ME1: variants seen among roughly 807,000 people sequenced by gnomAD.
The protein encoded by ME1 is NADP-dependent malic enzyme.
A neutral mutation model predicts 66.4 loss-of-function variants in ME1; 74 were observed. The observed-to-expected ratio is 1.11, with a 90% CI of 0.92 to 1.35. ME1 has a LOEUF of 1.35. Ranked by LOEUF, ME1 falls within the 40% of genes most tolerant of loss-of-function variation. ME1 has a pLI of 0.00. For synonymous variants in ME1, 251 were observed against 235.6 expected (o/e 1.07, Z -0.60); for missense variants, 750 against 694.1 (o/e 1.08, Z -0.90).
At chr6:83,219,052 G>C (rs1180789615) in intron 12 of ME1, among the ~76,000 whole-genome samples, 1 of 152,192 alleles carries the variant, frequency 6.6e-6, no homozygotes, top group Admixed American at 6.5e-5. Flanking sequence ...TGAGTGAACT[G>C]AAAGTTATGG....
chr6:83,285,091 G>A (rs979588342), intron 6 of ME1, among the ~76,000 whole-genome samples: 1 of 152,078 alleles, frequency 6.6e-6, no homozygotes, highest in African/African-American at 2.4e-5. Flanking sequence ...CTTAACATTA[G>A]ACTGAAAATA....
intron 7 of ME1, among the ~76,000 whole-genome samples, chr6:83,247,386 G>A (rs1450837617): frequency 6.6e-6 from 1 of 151,884 alleles, no homozygotes; most frequent in Non-Finnish European, 1.5e-5. Context: ...TTTATAATGA[G>A]AATGCATTCA....
At chr6:83,320,170 A>C (rs1768124668) in intron 5 of ME1, among the ~76,000 whole-genome samples, 2 of 152,182 alleles carry the variant, frequency 1.3e-5, no homozygotes, top group Admixed American at 1.3e-4. Flanking sequence ...ATTCCAGTCC[A>C]AACTGCCAGC....
At chr6:83,214,539 T>C (rs1789956214) in intron 13 of ME1, among the ~76,000 whole-genome samples, 1 of 152,238 alleles carries the variant, frequency 6.6e-6, no homozygotes, top group African/African-American at 2.4e-5. Flanking sequence ...GCTGCTCAGT[T>C]TGGAGTCTCT....
intron 6 of ME1, among the ~76,000 whole-genome samples, chr6:83,306,070 A>G (rs1359621718): frequency 3.3e-5 from 5 of 152,134 alleles, no homozygotes; most frequent in African/African-American, 9.6e-5. Flanking sequence ...TTAACCTACA[A>G]GATATTGCTA....
At chr6:83,396,657 A>G (rs531098465) in intron 3 of ME1, among the ~76,000 whole-genome samples, 1 of 152,326 alleles carries the variant, frequency 6.6e-6, no homozygotes, top group South Asian at 2.1e-4. Context: ...AAAGGCCCCA[A>G]ATGTCCAAAG....
chr6:83,249,531 T>C (rs1790686041), intron 7 of ME1, among the ~76,000 whole-genome samples: 1 of 152,192 alleles, frequency 6.6e-6, no homozygotes, highest in Non-Finnish European at 1.5e-5. Flanking sequence ...GGCCTAAAAA[T>C]TATTATTTAT....
chr6:83,323,600 C>T (rs1369683076), intron 5 of ME1, among the ~76,000 whole-genome samples: 1 of 151,920 alleles, frequency 6.6e-6, no homozygotes. Context: ...AAGGCTATTA[C>T]ATAATGGTAA....
At chr6:83,288,959 T>C (rs9444061) in intron 6 of ME1, among the ~76,000 whole-genome samples, 8,730 of 152,250 alleles carry the variant, frequency 0.057, 453 homozygotes, top group African/African-American at 0.13. Flanking sequence ...TTGTCTGTTA[T>C]TGGTGTATAG....
intron 12 of ME1, among the ~76,000 whole-genome samples, chr6:83,218,069 A>T (rs1156259772): frequency 2.0e-5 from 3 of 152,208 alleles, no homozygotes; most frequent in African/African-American, 4.8e-5. Context: ...CATTTAACTC[A>T]TTAATTTCTT....
intron 6 of ME1, among the ~76,000 whole-genome samples, chr6:83,282,051 T>C (rs992031607): frequency 6.6e-6 from 1 of 151,536 alleles, no homozygotes; most frequent in African/African-American, 2.4e-5. Flanking sequence ...ATCAATAGAC[T>C]AGACCATATA....
intron 3 of ME1, among the ~76,000 whole-genome samples, chr6:83,363,555 G>C (rs1197678914): frequency 6.6e-6 from 1 of 152,212 alleles, no homozygotes; most frequent in Non-Finnish European, 1.5e-5. Flanking sequence ...CAGGAATGGA[G>C]GTTTGGGTCA....
intron 6 of ME1, among the ~76,000 whole-genome samples, chr6:83,254,807 C>T (rs554815421): frequency 6.6e-6 from 1 of 152,238 alleles, no homozygotes; most frequent in African/African-American, 2.4e-5. Flanking sequence ...CAAGCATTTT[C>T]AGGACTACCT....
In ME1 at chr6:83,369,626, AAAAAG is replaced by A. The variant is rs139188172; in HGVS notation, c.363-17492_363-17488del. ...GGGCAACAGACAGTGACCTTGTCAG[AAAAAG>A]AAAAGAAAAGAGAGACAGAGAGAGG... On this transcript the variant is annotated intron_variant, in intron 3 of 13. Transcript: ENST00000369705. Among the ~76,000 whole-genome samples, 369 of 151,582 alleles carry A rather than the reference AAAAAG, an allele frequency of 2.4e-3. 2 individuals are homozygous for A. Among genetic ancestry groups the A allele is most frequent in the African/African-American group, 8.5e-3 (351 of 41,170 alleles).
chr6:83,263,766 AAC>A (rs1216888028), intron 6 of ME1, among the ~76,000 whole-genome samples: 20 of 1,784 alleles, frequency 0.011, no homozygotes, highest in African/African-American at 0.072. Context: ...AACATAACAT[AAC>A]ATAACATAAC....
In ME1 at chr6:83,352,150, A is replaced by G; in HGVS notation, c.363-11T>C. The G allele has an allele frequency of 6.9e-7, 1 of 1,459,148 alleles. No individual in the cohort carries two copies. Among genetic ancestry groups the G allele is most frequent in the Non-Finnish European group, 9.1e-7 (1 of 1,094,112 alleles). 90.4% of individuals were successfully genotyped at this position (1,459,148 alleles called of 1,614,324 possible). A position where few individuals can be genotyped will look rare whatever the true frequency, so the allele number is the denominator to read the frequency against. ...GTAATAAAGAGACCTCTGCAGAAAA[A>G]AAAAAAAAAAAAGGAGTAGTTTACA... On this transcript the variant is annotated splice_polypyrimidine_tract_variant and intron_variant, in intron 3 of 13. Coordinates refer to ENST00000369705, the MANE Select transcript of ME1 (RefSeq NM_002395.6).
At chr6:83,221,756 G>A (rs1790095349) in intron 12 of ME1, among the ~76,000 whole-genome samples, 1 of 151,798 alleles carries the variant, frequency 6.6e-6, no homozygotes, top group Non-Finnish European at 1.5e-5. Flanking sequence ...ATAAGAAAAA[G>A]AGAAGAAAAA....
intron 5 of ME1, among the ~76,000 whole-genome samples, chr6:83,331,905 T>C (rs77611682): frequency 6.6e-6 from 1 of 152,226 alleles, no homozygotes; most frequent in Admixed American, 6.5e-5. Context: ...GAACATCTAC[T>C]CAAATTATTT....
intron 6 of ME1, among the ~76,000 whole-genome samples, chr6:83,270,094 C>A (rs1197365012): frequency 1.3e-5 from 2 of 151,894 alleles, no homozygotes; most frequent in African/African-American, 4.8e-5. Flanking sequence ...CATAGTACAT[C>A]AAAAAATGGT....
Sources: allele counts gnomAD v4.1 joint callset (sites outside exome capture counted in the v4.1 genomes callset), GRCh38; gene constraint gnomAD v4.1.1; transcripts MANE v1.5; gene names NCBI Gene and HGNC (gene_info 2026-07-23, HGNC 2026-07-21).